SNRPN: variants seen among roughly 807,000 people sequenced by gnomAD.
The protein encoded by SNRPN is small nuclear ribonucleoprotein polypeptide N, also known as small nuclear ribonucleoprotein-associated protein N.
SNRPN carries 7 observed loss-of-function variants against 25.2 expected under a neutral mutation model. The ratio of observed to expected loss-of-function variants is 0.28; its 90% confidence interval spans 0.16 to 0.52. The LOEUF is 0.52. Ranked by LOEUF, SNRPN falls within the 20% of genes least tolerant of loss-of-function variation. SNRPN has a pLI of 0.96. For synonymous variants in SNRPN, 124 were observed against 110.6 expected, an observed-to-expected ratio of 1.12 and a Z score of -0.76; for missense variants, 196 against 322.5, an observed-to-expected ratio of 0.61 and a Z score of 3.00.
At chr15:24,908,679 C>T (rs1430338489) in intron 2 of SNRPN, among the ~76,000 whole-genome samples, 1 of 133,596 alleles carries the variant, frequency 7.5e-6, no homozygotes, top group African/African-American at 3.3e-5. Flanking sequence ...ACTCACCATA[C>T]CAACTCAAAG....
intron 2 of SNRPN, chr15:24,848,889 T>G (rs922470662): frequency 2.0e-5 from 3 of 149,318 alleles, no homozygotes; most frequent in Non-Finnish European, 4.5e-5. Flanking sequence ...CTACTACGTG[T>G]TTTTTTTTTA....
At chr15:24,908,566 T>C (rs944811322) in intron 2 of SNRPN, among the ~76,000 whole-genome samples, 1 of 148,042 alleles carries the variant, frequency 6.8e-6, no homozygotes, top group Admixed American at 6.9e-5. Flanking sequence ...AAGCCATCCT[T>C]GTTACAAAGT....
intron 2 of SNRPN, among the ~76,000 whole-genome samples, chr15:24,841,529 T>C (rs576450522): frequency 1.3e-5 from 2 of 152,288 alleles, no homozygotes; most frequent in Admixed American, 1.3e-4. Context: ...TGGGTTCCGG[T>C]ATCCAAGCAC....
chr15:24,905,572 CGAT>C (rs1341463630), intron 2 of SNRPN, among the ~76,000 whole-genome samples: 1 of 150,292 alleles, frequency 6.7e-6, no homozygotes, highest in Admixed American at 6.6e-5. Flanking sequence ...TTTTTGTTGT[CGAT>C]GAGTTGCGTT....
intron 3 of SNRPN, among the ~76,000 whole-genome samples, chr15:24,930,670 GC>G (rs1180839024): frequency 1.3e-5 from 2 of 151,688 alleles, no homozygotes; most frequent in African/African-American, 4.8e-5. Context: ...GGGAGGCCGG[GC>G]CGGGTGGATC....
intron 3 of SNRPN, among the ~76,000 whole-genome samples, chr15:24,948,084 A>G (rs192328443): frequency 1.3e-5 from 2 of 151,760 alleles, no homozygotes; most frequent in Admixed American, 6.6e-5. Context: ...GAAAACTCAA[A>G]ATAGCAATCT....
upstream of SNRPN, chr15:24,954,838 C>G (rs1010340348): frequency 1.1e-5 from 7 of 660,030 alleles, no homozygotes; most frequent in Admixed American, 5.6e-5. Context: ...TCCAGTAGCC[C>G]CCTCCCCCCA....
chr15:24,970,071 T>C (rs763476021), intron 3 of SNRPN, among the ~76,000 whole-genome samples: 24 of 152,148 alleles, frequency 1.6e-4, no homozygotes, highest in Non-Finnish European at 2.8e-4. Flanking sequence ...CATAATGTCA[T>C]AGAAGGTGAT....
At chr15:24,960,132 G>A (rs2074532642) in intron 1 of SNRPN, among the ~76,000 whole-genome samples, 3 of 152,094 alleles carry the variant, frequency 2.0e-5, no homozygotes. Flanking sequence ...GGGTGTGGTG[G>A]TGCATGCCTG....
intron 1 of SNRPN, among the ~76,000 whole-genome samples, chr15:24,863,808 C>T (rs75265938): frequency 0.014 from 2,046 of 150,410 alleles, 183 homozygotes; most frequent in African/African-American, 0.048. Context: ...GACACATCTG[C>T]GTTCTGGAAA....
intron 3 of SNRPN, among the ~76,000 whole-genome samples, chr15:24,942,981 ATCC>A (rs1411075835): frequency 6.6e-6 from 1 of 150,854 alleles, no homozygotes; most frequent in Non-Finnish European, 1.5e-5. Flanking sequence ...TGTCATAAAA[ATCC>A]TCCTCTGCTG....
At chr15:24,877,584 G>A (rs1305563971) in intron 1 of SNRPN, among the ~76,000 whole-genome samples, 1 of 152,130 alleles carries the variant, frequency 6.6e-6, no homozygotes, top group East Asian at 1.9e-4. Flanking sequence ...CAGCACTTTG[G>A]GAGGCCAAGG....
chr15:24,906,183 T>A (rs1295973027), intron 2 of SNRPN, among the ~76,000 whole-genome samples: 1 of 152,196 alleles, frequency 6.6e-6, no homozygotes, highest in African/African-American at 2.4e-5. Flanking sequence ...TGGAGTTCAG[T>A]GACACGATCC....
chr15:24,920,977 A>T (rs1488634534), intron 3 of SNRPN, among the ~76,000 whole-genome samples: 1 of 152,166 alleles, frequency 6.6e-6, no homozygotes, highest in East Asian at 1.9e-4. Context: ...ATAATGATTG[A>T]AAGAGTATGT....
chr15:24,916,628 A>G lies in SNRPN; in HGVS notation c.-504-3383A>G, dbSNP rs563286822. On this transcript the variant is annotated intron_variant, in intron 2 of 11. Transcript: ENST00000400097. ...TTTGTTTCTACATATGCTTCATAGT[A>G]TATGTGTACATGGATTATAGGTAGA... Among the ~76,000 whole-genome samples the G allele has an allele frequency of 1.2e-4, 18 of 152,358 alleles. No homozygotes were observed. In the South Asian group the frequency reaches 2.7e-3, roughly 23 times the overall value.
At chr15:24,838,441 C>T (rs547303491) in intron 2 of SNRPN, among the ~76,000 whole-genome samples, 5 of 152,214 alleles carry the variant, frequency 3.3e-5, no homozygotes, top group African/African-American at 1.2e-4. Flanking sequence ...AAATTACCAC[C>T]GTAATCAATG....
chr15:24,895,225 C>T (rs908087774), intron 2 of SNRPN, among the ~76,000 whole-genome samples: 1 of 152,106 alleles, frequency 6.6e-6, no homozygotes, highest in Non-Finnish European at 1.5e-5. Flanking sequence ...AGCAGAAAGT[C>T]AAAAAGCCCT....
chr15:24,964,938 G>T (rs1395409513), intron 2 of SNRPN, among the ~76,000 whole-genome samples: 2 of 152,124 alleles, frequency 1.3e-5, no homozygotes, highest in Non-Finnish European at 2.9e-5. Flanking sequence ...GCATATATAT[G>T]TACAAATACT....
At chr15:24,877,725 G>A (rs528815508) in intron 1 of SNRPN, among the ~76,000 whole-genome samples, 7 of 152,048 alleles carry the variant, frequency 4.6e-5, no homozygotes, top group Admixed American at 2.6e-4. Flanking sequence ...AGTGGCGCGC[G>A]CCTGTAATCC....
Sources: gnomAD v4.1 joint callset for allele counts (sites outside exome capture counted in the v4.1 genomes callset) on GRCh38, gnomAD v4.1.1 for gene constraint, MANE v1.5 for transcripts, NCBI Gene and HGNC (gene_info 2026-07-23, HGNC 2026-07-21) for gene names.